Variants in CASTOR2 observed in about 807,000 individuals in gnomAD.
CASTOR2 encodes the protein cytosolic arginine sensor for mTORC1 subunit 2, also known as GATS protein like 2.
A neutral mutation model predicts 31.2 loss-of-function variants in CASTOR2; 8 were observed. That is an observed-to-expected ratio of 0.26 (90% CI 0.15 to 0.46). The LOEUF (loss-of-function observed/expected upper bound fraction) is 0.46, where lower values mean the gene tolerates loss of function less well. CASTOR2 is among the 20% of genes least tolerant of loss of function. The probability of loss-of-function intolerance (pLI) is 0.99; values close to 1 mark genes in which losing one functional copy is unlikely to be tolerated. For missense variants in CASTOR2, 216 were observed against 382.1 expected (o/e 0.57, Z 3.62); for synonymous variants, 162 against 158.7 (o/e 1.02, Z -0.16).
At chr7:74,999,096 C>T (rs1804427393) in intron 1 of CASTOR2, among the ~76,000 whole-genome samples, 1 of 152,026 alleles carries the variant, frequency 6.6e-6, no homozygotes, top group Non-Finnish European at 1.5e-5. Context: ...CCTGTGCTCA[C>T]ACCATTCTCC....
chr7:74,993,501 A>C (rs1584465893), intron 1 of CASTOR2, among the ~76,000 whole-genome samples: 1 of 125,424 alleles, frequency 8.0e-6, no homozygotes, highest in Non-Finnish European at 1.6e-5. Context: ...CCCAGGCTGG[A>C]GTGCAGTGGT....
intron 1 of CASTOR2, among the ~76,000 whole-genome samples, chr7:74,987,423 G>A (rs1804095329): frequency 6.6e-6 from 1 of 151,284 alleles, no homozygotes; most frequent in African/African-American, 2.4e-5. Context: ...AAAAAAAGAT[G>A]CCAGGATCCC....
intron 1 of CASTOR2, among the ~76,000 whole-genome samples, chr7:74,977,720 A>G (rs587685045): frequency 1.3e-5 from 2 of 150,736 alleles, no homozygotes; most frequent in African/African-American, 4.9e-5. Context: ...TGTGTCACCC[A>G]AGCTGGAGTG....
chr7:74,996,889 C>T (rs1405836423), intron 1 of CASTOR2, among the ~76,000 whole-genome samples: 2 of 151,106 alleles, frequency 1.3e-5, no homozygotes, highest in East Asian at 2.0e-4. Context: ...CCACCACGCC[C>T]GGCTAATTTT....
chr7:75,028,080 C>G lies in CASTOR2; in HGVS notation c.*3381C>G. On this transcript the variant is annotated 3_prime_UTR_variant, in exon 9 of 9. Transcript: ENST00000616305. ...TGGCGCTGGCGGATGGGGCAGGTGC[C>G]TGGCGGGGGAGGAAGAGGGCTCTCT... The G allele has an allele frequency of 2.0e-6, 3 of 1,530,434 alleles. No homozygotes were observed. Among genetic ancestry groups the G allele is most frequent in the Non-Finnish European group, 2.6e-6 (3 of 1,145,536 alleles). 94.8% of individuals were successfully genotyped at this position (1,530,434 alleles called of 1,614,324 possible).
intron 1 of CASTOR2, among the ~76,000 whole-genome samples, chr7:75,005,584 C>T (rs1584470979): frequency 1.3e-5 from 2 of 152,150 alleles, no homozygotes; most frequent in Admixed American, 1.3e-4. Flanking sequence ...TACAAACAGG[C>T]AATATGTATT....
At chr7:75,018,279 C>CT (rs1804912610) in intron 4 of CASTOR2, among the ~76,000 whole-genome samples, 157 bp downstream of exon 4, 1 of 152,326 alleles carries the variant, frequency 6.6e-6, no homozygotes, top group South Asian at 2.1e-4. Flanking sequence ...GTGGCTCATG[C>CT]TTGTAATCCC....
At chr7:75,003,685 G>C (rs1184962864) in intron 1 of CASTOR2, among the ~76,000 whole-genome samples, 4 of 151,970 alleles carry the variant, frequency 2.6e-5, no homozygotes, top group Non-Finnish European at 4.4e-5. Context: ...AGGAGGCGGA[G>C]CTTGCAGTGA....
At chr7:74,986,147 C>G (rs1212435174) in intron 1 of CASTOR2, among the ~76,000 whole-genome samples, 2 of 149,150 alleles carry the variant, frequency 1.3e-5, no homozygotes, top group Non-Finnish European at 3.0e-5. Context: ...CCAGGCTGGT[C>G]TTGAACTCCT....
intron 6 of CASTOR2, 95 bp downstream of exon 6, chr7:75,020,244 T>A (rs1804960863): frequency 8.1e-6 from 10 of 1,235,462 alleles, no homozygotes; most frequent in Non-Finnish European, 1.1e-5. Flanking sequence ...GTCTTTTATT[T>A]GTTGTTGTTT....
chr7:74,969,789 C>CA (rs1379361029), intron 1 of CASTOR2, among the ~76,000 whole-genome samples: 1 of 148,716 alleles, frequency 6.7e-6, no homozygotes. Flanking sequence ...GCGTATTTCT[C>CA]AACTTTTGCC....
intron 1 of CASTOR2, among the ~76,000 whole-genome samples, chr7:74,980,587 T>G (rs1450890676): frequency 1.5e-5 from 2 of 133,152 alleles, no homozygotes; most frequent in Non-Finnish European, 3.0e-5. Context: ...TGTTTTGAGG[T>G]GCCCTCTACT....
intron 1 of CASTOR2, among the ~76,000 whole-genome samples, chr7:74,985,544 C>T: frequency 7.1e-6 from 1 of 141,330 alleles, no homozygotes; most frequent in Non-Finnish European, 1.5e-5. Context: ...AGTAATCATG[C>T]ACTCCAGCCT....
chr7:74,965,850 TCACACACACACACA>T (rs1177991219), intron 1 of CASTOR2, among the ~76,000 whole-genome samples: 1 of 10,616 alleles, frequency 9.4e-5, no homozygotes, highest in Non-Finnish European at 1.6e-4. Context: ...AAAGAGGGAA[TCACACACACACACA>T]CACACACACA....
chr7:75,017,705 A>C lies in CASTOR2; in HGVS notation c.292A>C (p.Lys98Gln). The C allele has an allele frequency of 6.2e-7, 1 of 1,613,994 alleles. No homozygotes were observed. Among genetic ancestry groups the C allele is most frequent in the Non-Finnish European group, 8.5e-7 (1 of 1,179,876 alleles). ...FSSSQPIGVT[K>Q]IAKSVIAPLA... ...CAGCTCCCAGCCCATCGGCGTGACCAAGATCGCCAAGTCAGTCATCGCCCC... is the reference window on the plus strand; with the variant it reads ...CAGCTCCCAGCCCATCGGCGTGACCCAGATCGCCAAGTCAGTCATCGCCCC... The change falls in exon 3 of 9, where the codon AAG (lysine) becomes CAG (glutamine). Residue 98 changes from lysine (K) to glutamine (Q), a missense_variant. Coordinates refer to ENST00000616305, the MANE Select transcript of CASTOR2 (RefSeq NM_001145064.3).
intron 1 of CASTOR2, among the ~76,000 whole-genome samples, chr7:74,994,596 G>T (rs1804294542): frequency 6.6e-6 from 1 of 151,872 alleles, no homozygotes; most frequent in African/African-American, 2.4e-5. Flanking sequence ...TAAAAAATAC[G>T]AAAATTAGCC....
chr7:75,018,994 A>G lies in CASTOR2; in HGVS notation c.534A>G (p.Pro178=), dbSNP rs1252829488. The part of the protein sequence containing the change: ...PKLVQRPVIH[P]LSSPSNRFCV... ...CAGTCCAGAGGCCAGTCATCCACCC[A>G]CTGTCCAGCCCGAGCAACAGGTTCT... Residue 178 remains proline, a synonymous_variant, in exon 5 of 9, where the codon CCA becomes CCG. Transcript: ENST00000616305. 3.9e-5 allele frequency: 60 copies of G among 1,551,862 alleles called. No individual in the cohort carries two copies. The highest frequency in any genetic ancestry group is 5.1e-5 in the Non-Finnish European group (58 of 1,147,062).
chr7:75,009,500 C>G (rs1191015282), intron 2 of CASTOR2, among the ~76,000 whole-genome samples: 1 of 151,868 alleles, frequency 6.6e-6, no homozygotes, highest in African/African-American at 2.4e-5. Flanking sequence ...GATCTCCTGA[C>G]CTCGTGATCC....
At chr7:75,009,738 AG>A (rs1383643141) in intron 2 of CASTOR2, among the ~76,000 whole-genome samples, 15 of 151,800 alleles carry the variant, frequency 9.9e-5, no homozygotes, top group Non-Finnish European at 2.2e-4. Flanking sequence ...AGGGAACTAG[AG>A]TGTGAGAAGA....
Sources: gnomAD v4.1 joint callset for allele counts (sites outside exome capture counted in the v4.1 genomes callset) on GRCh38, gnomAD v4.1.1 for gene constraint, MANE v1.5 for transcripts, NCBI Gene and HGNC (gene_info 2026-07-23, HGNC 2026-07-21) for gene names.